Variants in MAPK8 observed in about 807,000 individuals in gnomAD.
The protein encoded by MAPK8 is JUN N-terminal kinase.
A neutral mutation model predicts 52.9 loss-of-function variants in MAPK8; 13 were observed. The ratio of observed to expected loss-of-function variants is 0.25; its 90% CI spans 0.16 to 0.39. The LOEUF is 0.39. Among genes scored for constraint, MAPK8 ranks in the 10% least tolerant of loss-of-function variants. The probability of loss-of-function intolerance (pLI) is 1.00; values close to 1 mark genes in which losing one functional copy is unlikely to be tolerated. For synonymous variants in MAPK8, 191 were observed against 169.8 expected, an observed-to-expected ratio of 1.12 and a Z score of -0.97; for missense variants, 300 against 519.2, an observed-to-expected ratio of 0.58 and a Z score of 4.10.
rs1052097373 is a variant in MAPK8, at chr10:48,436,349, T to G, written c.*1320T>G. The G allele has an allele frequency of 1.3e-5, 2 of 152,236 alleles. No homozygotes were observed. The highest frequency in any genetic ancestry group is 4.8e-5 in the African/African-American group (2 of 41,462). 9.4% of individuals were successfully genotyped at this position (152,236 alleles called of 1,614,324 possible). A position where few individuals can be genotyped will look rare whatever the true frequency, so the allele number is the denominator to read the frequency against. On this transcript the variant is annotated 3_prime_UTR_variant, in exon 12 of 12. Transcript: ENST00000374189. ...TGGTGCTGCTCCTGACAAGTGTATGTTAACTGTTTACATTTTCTATCTGTA... is the reference window on the plus strand; with the variant it reads ...TGGTGCTGCTCCTGACAAGTGTATGGTAACTGTTTACATTTTCTATCTGTA...
chr10:48,430,121 C>A (rs776522430), intron 10 of MAPK8: 3 of 152,136 alleles, frequency 2.0e-5, no homozygotes, highest in African/African-American at 4.8e-5. Context: ...TGAGATGGAG[C>A]CTTGCTCCGT....
Position 48,437,050 on chromosome 10 carries a change from C to T in MAPK8, c.*2021C>T, listed in dbSNP as rs1379147400. The T allele has an allele frequency of 6.6e-6, 1 of 152,210 alleles. No homozygotes were observed. The highest frequency in any genetic ancestry group is 1.5e-5 in the Non-Finnish European group (1 of 68,034). The allele number at this position is 152,210 out of a possible 1,614,324, so 9.4% of individuals were successfully genotyped here. A position where few individuals can be genotyped will look rare whatever the true frequency, so the allele number is the denominator to read the frequency against. The stretch of plus-strand genomic sequence containing the variant: ...TTATGTTTGATTGCTGATAAGCCAT[C>T]TCTATTGATACAGATTTTGGTTAAG... On this transcript the variant is annotated 3_prime_UTR_variant, in exon 12 of 12. Coordinates refer to ENST00000374189, the MANE Select transcript of MAPK8 (RefSeq NM_001323329.2).
At chr10:48,424,823 A>G (rs2043577582) in intron 7 of MAPK8, among the ~76,000 whole-genome samples, 2 of 152,140 alleles carry the variant, frequency 1.3e-5, no homozygotes, top group African/African-American at 4.8e-5. Context: ...GAGTTGATTT[A>G]ACCTAAATCA....
chr10:48,429,516 A>G (rs894251329), intron 10 of MAPK8, among the ~76,000 whole-genome samples: 5 of 152,198 alleles, frequency 3.3e-5, no homozygotes, highest in Non-Finnish European at 7.3e-5. Context: ...CAAAGCCATT[A>G]ATTACAGATG....
intron 5 of MAPK8, among the ~76,000 whole-genome samples, chr10:48,412,839 G>A (rs146595969): frequency 1.3e-5 from 2 of 152,016 alleles, no homozygotes; most frequent in African/African-American, 4.8e-5. Context: ...CTACAGTTCT[G>A]TGGCATTAAA....
intron 1 of MAPK8, among the ~76,000 whole-genome samples, chr10:48,345,676 A>G (rs529074372): frequency 6.6e-6 from 1 of 152,370 alleles, no homozygotes; most frequent in East Asian, 1.9e-4. Context: ...AAAAACAAAC[A>G]TAAGAAAACA....
rs371464256 is a variant in MAPK8, at chr10:48,350,895, A to G, written c.-50+44074A>G. On this transcript the variant is annotated intron_variant, in intron 1 of 11. Transcript: ENST00000374189. ...ATCGTCTCAGCCCAAAATCTCCTTA[A>G]GCTGATAAGCAACATCAGCAAAGTC... Among the ~76,000 whole-genome samples, 14 of 152,330 alleles carry G rather than the reference A, an allele frequency of 9.2e-5. No individual in the cohort carries two copies. The East Asian group carries it at 1.5e-3, about 17-fold the overall frequency.
At chr10:48,413,815 T>TTACATATATA (rs1554832943) in intron 5 of MAPK8, among the ~76,000 whole-genome samples, 2 of 48,414 alleles carry the variant, frequency 4.1e-5, no homozygotes, top group Non-Finnish European at 8.7e-5. Context: ...GCCAGAATTG[T>TTACATATATA]TATATATATA....
intron 5 of MAPK8, among the ~76,000 whole-genome samples, chr10:48,418,554 CTCT>C (rs1172659857): frequency 1.3e-5 from 2 of 152,156 alleles, no homozygotes; most frequent in Non-Finnish European, 2.9e-5. Flanking sequence ...ACTGGCCCTT[CTCT>C]TCTTTACTTC....
intron 2 of MAPK8, among the ~76,000 whole-genome samples, chr10:48,403,917 T>TTGTGTG (rs71465463): frequency 0.21 from 26,754 of 125,478 alleles, 3,063 homozygotes; most frequent in Middle Eastern, 0.31. Context: ...CCCGGCTAAT[T>TTGTGTG]TGTGTGTGTG....
intron 1 of MAPK8, among the ~76,000 whole-genome samples, chr10:48,366,551 T>G (rs760658507): frequency 6.6e-5 from 10 of 152,210 alleles, no homozygotes; most frequent in Non-Finnish European, 1.2e-4. Flanking sequence ...TGTTTACACA[T>G]CAAGCTAGAG....
chr10:48,310,065 G>T (rs955696714), intron 1 of MAPK8, among the ~76,000 whole-genome samples: 1 of 152,182 alleles, frequency 6.6e-6, no homozygotes, highest in African/African-American at 2.4e-5. Flanking sequence ...AAGGTAACAG[G>T]AGTATTGAAA....
At chr10:48,428,848 T>C (rs550291141) in intron 10 of MAPK8, among the ~76,000 whole-genome samples, 34 of 152,230 alleles carry the variant, frequency 2.2e-4, no homozygotes, top group African/African-American at 7.9e-4. Flanking sequence ...TGAGACAGGG[T>C]CTCACTGTGT....
intron 1 of MAPK8, among the ~76,000 whole-genome samples, chr10:48,333,681 G>A (rs1002518353): frequency 6.6e-6 from 1 of 152,232 alleles, no homozygotes; most frequent in African/African-American, 2.4e-5. Flanking sequence ...AAAGAAGAAG[G>A]GGTGGGGACA....
At chr10:48,400,773 A>G (rs1451993791) in intron 1 of MAPK8, among the ~76,000 whole-genome samples, 1 of 152,234 alleles carries the variant, frequency 6.6e-6, no homozygotes, top group East Asian at 1.9e-4. Context: ...GCTGCTTTGC[A>G]TACATTTTGG....
chr10:48,352,326 TA>T (rs1846417863), intron 1 of MAPK8, among the ~76,000 whole-genome samples: 1 of 151,610 alleles, frequency 6.6e-6, no homozygotes, highest in South Asian at 2.1e-4. Flanking sequence ...AAAAAAAACC[TA>T]CCAATAAAGA....
intron 1 of MAPK8, among the ~76,000 whole-genome samples, chr10:48,329,296 A>G (rs1163607387): frequency 1.3e-5 from 2 of 152,170 alleles, no homozygotes; most frequent in Non-Finnish European, 2.9e-5. Flanking sequence ...CTCTTCTCTT[A>G]TTAATTATAG....
intron 1 of MAPK8, among the ~76,000 whole-genome samples, chr10:48,394,540 C>T (rs1158113556): frequency 6.6e-6 from 1 of 151,768 alleles, no homozygotes; most frequent in Admixed American, 6.6e-5. Context: ...AGAATTAGTA[C>T]CATTAATGAT....
At chr10:48,320,419 T>TAGAGGC (rs1186084370) in intron 1 of MAPK8, among the ~76,000 whole-genome samples, 7 of 151,636 alleles carry the variant, frequency 4.6e-5, no homozygotes, top group Admixed American at 3.3e-4. Flanking sequence ...AAATTTTTTG[T>TAGAGGC]AGAGGCAGGC....
Sources: allele counts gnomAD v4.1 joint callset (sites outside exome capture counted in the v4.1 genomes callset), GRCh38; gene constraint gnomAD v4.1.1; transcripts MANE v1.5; gene names NCBI Gene and HGNC (gene_info 2026-07-23, HGNC 2026-07-21).